Variants in SLC11A1 observed in about 807,000 individuals in gnomAD.
The protein encoded by SLC11A1 is natural resistance-associated macrophage protein 1.
SLC11A1 carries 59 observed loss-of-function variants against 63.2 expected under a neutral mutation model. The ratio of observed to expected loss-of-function variants is 0.93; its 90% CI spans 0.76 to 1.16. SLC11A1 has a LOEUF of 1.16. Among genes scored for constraint, SLC11A1 ranks in the 50% most tolerant of loss-of-function variants. SLC11A1 has a pLI of 0.00. For missense variants in SLC11A1, 688 were observed against 730.7 expected, an observed-to-expected ratio of 0.94 and a Z score of 0.67; for synonymous variants, 305 against 307.8, an observed-to-expected ratio of 0.99 and a Z score of 0.09.
intron 11 of SLC11A1, 25 bp downstream of exon 11, chr2:218,391,520 G>A (rs750555529): frequency 2.6e-6 from 4 of 1,561,060 alleles, no homozygotes; most frequent in Non-Finnish European, 3.5e-6. Context: ...GGGCCCAGGA[G>A]GGCAAGGGGT....
In SLC11A1 at chr2:218,384,434, C is replaced by T; in HGVS notation, c.273+69C>T. ...GTGACCAGGCTAAGTGTTGAAGGCC[C>T]CTGCTGGCCATGTTTCTCCAATGTG... On this transcript the variant is annotated intron_variant, in intron 3 of 14. Coordinates refer to ENST00000233202, the MANE Select transcript of SLC11A1 (RefSeq NM_000578.4). The surrounding 1 kb of genome is among the most constrained non-coding windows in gnomAD (Gnocchi z 4.0). 1.3e-6 allele frequency: 2 copies of T among 1,523,572 alleles called. No homozygotes were observed. The highest frequency in any genetic ancestry group is 2.4e-5 in the South Asian group (2 of 82,240). 94.4% of individuals were successfully genotyped at this position (1,523,572 alleles called of 1,614,324 possible).
intron 11 of SLC11A1, chr2:218,392,766 A>G: frequency 4.2e-6 from 2 of 477,892 alleles, no homozygotes. Flanking sequence ...TTTCCCCAAA[A>G]CTGTTTAGTC....
chr2:218,395,338 A>C lies in SLC11A1; in HGVS notation c.*303A>C. 1.9e-5 allele frequency: 6 copies of C among 323,466 alleles called. No individual in the cohort carries two copies. Among genetic ancestry groups the C allele is most frequent in the Non-Finnish European group, 3.5e-5 (6 of 171,100 alleles). 20.0% of individuals were successfully genotyped at this position (323,466 alleles called of 1,614,324 possible). On this transcript the variant is annotated 3_prime_UTR_variant, in exon 15 of 15. Transcript: ENST00000233202. ...ACATTTCAAAAGGTATTTATTGAGC[A>C]CCTGCAGGCGTGACCTGACAGCCCA...
At chr2:218,392,153 C>T in intron 11 of SLC11A1, 2 of 372,250 alleles carry the variant, frequency 5.4e-6, no homozygotes, top group South Asian at 3.7e-5. Context: ...TCACCGCAAC[C>T]TCCACCTCCT....
At position 218,394,721 on chromosome 2, in the gene SLC11A1, A is replaced by C. The variant is rs1574782086; in HGVS notation, c.1478A>C (p.His493Pro). Residue 493 changes from histidine to proline, a missense_variant, in exon 14 of 15, where the codon CAC becomes CCC. Physicochemically the swap from His to Pro is moderately conservative, Grantham distance 77 (BLOSUM62 -2). Transcript: ENST00000233202. ...FVVSYLPSLP[H>P]PAYFGLAALL... The stretch of plus-strand genomic sequence containing the variant: ...GTCAGCTATCTGCCCAGCCTGCCCC[A>C]CCCTGCCTACTTCGGCCTTGCAGCC... 1 of 1,613,678 alleles carries C rather than the reference A, an allele frequency of 6.2e-7. No homozygotes were observed. Among genetic ancestry groups the C allele is most frequent in the Non-Finnish European group, 8.5e-7 (1 of 1,179,966 alleles).
intron 1 of SLC11A1, 115 bp downstream of exon 1, chr2:218,382,490 GGTCCCCC>G: frequency 1.8e-6 from 2 of 1,129,518 alleles, no homozygotes; most frequent in Non-Finnish European, 2.6e-6. Flanking sequence ...GGAAGCCTCT[GGTCCCCC>G]GTGGGAGTCC....
chr2:218,388,107 C>G, intron 8 of SLC11A1, 152 bp downstream of exon 8: 4 of 928,052 alleles, frequency 4.3e-6, no homozygotes, highest in Non-Finnish European at 6.3e-6. Flanking sequence ...CCATGGCTCA[C>G]GCCTGTAATC....
intron 13 of SLC11A1, 109 bp downstream of exon 13, chr2:218,394,302 G>A: frequency 8.6e-7 from 1 of 1,157,984 alleles, no homozygotes; most frequent in East Asian, 2.5e-5. Flanking sequence ...AAGCCACAGA[G>A]GCTGAGAGAG....
rs534097947 is a variant in SLC11A1 at position 218,389,779 on chromosome 2, G to C, written c.796-91G>C. 2.2e-6 allele frequency: 3 copies of C among 1,383,618 alleles called. No homozygotes were observed. In the East Asian group the frequency reaches 7.0e-5, roughly 32 times the overall value. The allele number at this position is 1,383,618 out of a possible 1,614,324, so 85.7% of individuals were successfully genotyped here. The stretch of plus-strand genomic sequence containing the variant: ...CGCAGGGGACTTAAGAAGGTACTGG[G>C]CTTTGGGGAGAACATAGAAGTGTGA... On this transcript the variant is annotated intron_variant, in intron 8 of 14. Coordinates refer to ENST00000233202, the MANE Select transcript of SLC11A1 (RefSeq NM_000578.4).
Position 218,383,100 on chromosome 2 carries a change from C to T in SLC11A1, c.148C>T (p.Pro50Ser), listed in dbSNP as rs1354751101. ...SEKIPIPDTK[P>S]GTFSLRKLWA... ...GAAGATCCCCATCCCAGACACAAAACCGGTGGGATGCTGGAAACTTCCTGG... is the reference window on the plus strand; with the variant it reads ...GAAGATCCCCATCCCAGACACAAAATCGGTGGGATGCTGGAAACTTCCTGG... The change falls in exon 2 of 15, where the codon CCG becomes TCG. Residue 50 changes from proline (P) to serine (S), a missense_variant and splice_region_variant. Pro to Ser is a moderately conservative substitution (Grantham distance 74, BLOSUM62 -1). Transcript: ENST00000233202. 6.2e-7 allele frequency: 1 copy of T among 1,613,494 alleles called. No homozygotes were observed. Among genetic ancestry groups the T allele is most frequent in the Non-Finnish European group, 8.5e-7 (1 of 1,179,810 alleles).
At chr2:218,387,503 G>T in intron 6 of SLC11A1, 62 bp from the exon 7 acceptor site, 1 of 1,551,600 alleles carries the variant, frequency 6.4e-7, no homozygotes, top group South Asian at 1.1e-5. Flanking sequence ...TAGCCATTAC[G>T]AATTGTTGAT....
Position 218,391,353 on chromosome 2 carries a change from T to G in SLC11A1, c.1045-23T>G, listed in dbSNP as rs368624123. 144 of 1,613,804 alleles carry G rather than the reference T, an allele frequency of 8.9e-5. No individual in the cohort carries two copies. Among genetic ancestry groups the G allele is most frequent in the Middle Eastern group, 1.6e-4 (1 of 6,084 alleles). On this transcript the variant is annotated intron_variant, in intron 10 of 14. Coordinates refer to ENST00000233202, the MANE Select transcript of SLC11A1 (RefSeq NM_000578.4). The stretch of plus-strand genomic sequence containing the variant: ...TCCCCGCCTCGGGCAGGGCCACCGG[T>G]CCTACCACACTCGTCCCTGCAGGGC...
chr2:218,391,077 T>C, intron 9 of SLC11A1, 121 bp from the exon 10 acceptor site: 1 of 776,142 alleles, frequency 1.3e-6, no homozygotes. Context: ...AAACAAAATA[T>C]GTCTGGCCAG....
chr2:218,395,847 AC>A lies in SLC11A1; in HGVS notation c.*816del, dbSNP rs1696726160. On this transcript the variant is annotated 3_prime_UTR_variant, in exon 15 of 15. Transcript: ENST00000233202. ...ACGAAGTCTCTAAAGCATCCAGAAGACCCCTACACCAGGGTCTGGTCCGCTC... is the reference window on the plus strand; with the variant it reads ...ACGAAGTCTCTAAAGCATCCAGAAGACCCTACACCAGGGTCTGGTCCGCTC... 2 of 152,236 alleles carry A rather than the reference AC, an allele frequency of 1.3e-5. No individual in the cohort carries two copies. The highest frequency in any genetic ancestry group is 4.8e-5 in the African/African-American group (2 of 41,394). 9.4% of individuals were successfully genotyped at this position (152,236 alleles called of 1,614,324 possible). A position where few individuals can be genotyped will look rare whatever the true frequency, so the allele number is the denominator to read the frequency against.
chr2:218,387,760 C>A (rs1310288581), intron 7 of SLC11A1, 40 bp from the exon 8 acceptor site: 2 of 1,611,732 alleles, frequency 1.2e-6, no homozygotes, highest in Non-Finnish European at 8.5e-7. Context: ...GGCGTGGTTG[C>A]GAGGGGCGGG....
chr2:218,392,740 G>A (rs906578872), intron 11 of SLC11A1: 5 of 454,356 alleles, frequency 1.1e-5, no homozygotes, highest in African/African-American at 1.0e-4. Flanking sequence ...TGCAGACCCA[G>A]GACTAACAGA....
In SLC11A1 at chr2:218,384,818, C is replaced by T; in HGVS notation, c.274-329C>T. ...GGCCAGGCTGGTCTTGAACTCCTGA[C>T]CTCAAGTGATCCACCGCCTCGGCCT... On this transcript the variant is annotated intron_variant, in intron 3 of 14. Transcript: ENST00000233202. This position sits in a 1 kb window ranked among gnomAD's most constrained non-coding sequence, Gnocchi z 4.0. The T allele has an allele frequency of 3.1e-6, 1 of 322,398 alleles. No individual in the cohort carries two copies. Among genetic ancestry groups the T allele is most frequent in the East Asian group, 9.2e-5 (1 of 10,848 alleles). 20.0% of individuals were successfully genotyped at this position (322,398 alleles called of 1,614,324 possible).
chr2:218,394,262 C>T lies in SLC11A1; in HGVS notation c.1388+69C>T, dbSNP rs911599154. The T allele has an allele frequency of 1.8e-5, 27 of 1,470,144 alleles. 1 individual carries two copies. Among genetic ancestry groups the T allele is most frequent in the African/African-American group, 1.5e-4 (11 of 71,756 alleles). 91.1% of individuals were successfully genotyped at this position (1,470,144 alleles called of 1,614,324 possible). Reference sequence around the variant, plus strand: ...TCATCCTCACAGCCACCCAGAGGTACGAGCTACAATTCTCCCCATTATCCC... The same window carrying T: ...TCATCCTCACAGCCACCCAGAGGTATGAGCTACAATTCTCCCCATTATCCC... On this transcript the variant is annotated intron_variant, in intron 13 of 14. Coordinates refer to ENST00000233202, the MANE Select transcript of SLC11A1 (RefSeq NM_000578.4).
chr2:218,382,386 G>A lies in SLC11A1; in HGVS notation c.7+11G>A. 1 of 1,613,460 alleles carries A rather than the reference G, an allele frequency of 6.2e-7. No homozygotes were observed. Among genetic ancestry groups the A allele is most frequent in the Non-Finnish European group, 8.5e-7 (1 of 1,179,568 alleles). The stretch of plus-strand genomic sequence containing the variant: ...GCATTTCAATGACAGGTGAGTAGTG[G>A]CCCCTAGGGACAGAGCCTGATTGGG... On this transcript the variant is annotated intron_variant, in intron 1 of 14. Coordinates refer to ENST00000233202, the MANE Select transcript of SLC11A1 (RefSeq NM_000578.4).
Sources: allele counts gnomAD v4.1 joint callset, GRCh38; gene constraint gnomAD v4.1.1; non-coding constraint Gnocchi (gnomAD v3.1); transcripts MANE v1.5; gene names NCBI Gene and HGNC (gene_info 2026-07-23, HGNC 2026-07-21).